The following FGF12 variants were observed in gnomAD, a reference collection of about 807,000 sequenced individuals.
FGF12 encodes fibroblast growth factor 12, also known as fibroblast growth factor 12B.
FGF12 carries 14 observed loss-of-function variants against 23.6 expected under a neutral mutation model. The ratio of observed to expected loss-of-function variants is 0.59; its 90% confidence interval spans 0.39 to 0.93. The LOEUF is 0.93. FGF12 is among the 40% of genes least tolerant of loss of function. The pLI is 0.00. For missense variants in FGF12, 175 were observed against 217.8 expected (o/e 0.80, Z 1.24); for synonymous variants, 62 against 77.3 (o/e 0.80, Z 1.04).
chr3:192,458,469 A>C (rs1722751667), intron 2 of FGF12, among the ~76,000 whole-genome samples: 1 of 152,206 alleles, frequency 6.6e-6, no homozygotes, highest in Non-Finnish European at 1.5e-5. Context: ...TGAGACCTGG[A>C]GTCAAAGGAA....
At chr3:192,645,772 A>T (rs1715983659) in intron 2 of FGF12, among the ~76,000 whole-genome samples, 2 of 26,378 alleles carry the variant, frequency 7.6e-5, no homozygotes, top group African/African-American at 3.5e-4. Flanking sequence ...ACAGGTAAAA[A>T]AAAAAAAAAA....
At chr3:192,332,651 A>G (rs545879914) in intron 4 of FGF12, among the ~76,000 whole-genome samples, 1 of 152,232 alleles carries the variant, frequency 6.6e-6, no homozygotes, top group East Asian at 1.9e-4. Context: ...ACTTCCTATT[A>G]ATTCCTAGCT....
At chr3:192,161,834 G>C (rs1319675676) in intron 5 of FGF12, among the ~76,000 whole-genome samples, 1 of 152,100 alleles carries the variant, frequency 6.6e-6, no homozygotes, top group Non-Finnish European at 1.5e-5. Context: ...ATTCTTGACA[G>C]ATCCTTTGAA....
Position 192,727,310 on chromosome 3 carries a change from T to C in FGF12, c.-117A>G. ...ATGATTTCGCCCGTACTTCCTTCCT[T>C]CCCCTCAGGCTTCCTGAAAGATGGG... On this transcript the variant is annotated 5_prime_UTR_variant, in exon 2 of 6. Coordinates refer to ENST00000445105, the MANE Select transcript of FGF12 (RefSeq NM_004113.6). 1 of 1,551,038 alleles carries C rather than the reference T, an allele frequency of 6.4e-7. No homozygotes were observed. The highest frequency in any genetic ancestry group is 8.7e-7 in the Non-Finnish European group (1 of 1,146,722).
Position 192,578,260 on chromosome 3 carries a change from T to C in FGF12, c.13+148921A>G, listed in dbSNP as rs377347990. Among the ~76,000 whole-genome samples the C allele has an allele frequency of 1.8e-4, 27 of 152,334 alleles. No individual in the cohort carries two copies. The East Asian group carries it at 4.6e-3, about 26-fold the overall frequency. On this transcript the variant is annotated intron_variant, in intron 2 of 5. Transcript: ENST00000445105. ...CTCTAAGCACTTTACATATATTAAC[T>C]AATTTAGTCTTCCTAAACTTCCCTG...
intron 2 of FGF12, among the ~76,000 whole-genome samples, chr3:192,492,336 T>C (rs1001965853): frequency 1.3e-5 from 2 of 152,066 alleles, no homozygotes; most frequent in African/African-American, 4.8e-5. Context: ...TCCTATTTCC[T>C]CCACCCTTAT....
At chr3:192,704,380 T>A (rs34662184) in intron 2 of FGF12, among the ~76,000 whole-genome samples, 4,016 of 152,284 alleles carry the variant, frequency 0.026, 74 homozygotes, top group Middle Eastern at 0.082. Flanking sequence ...TATTTCTCCA[T>A]GAGAAGTCTT....
At chr3:192,404,864 T>C (rs1051015282) in intron 2 of FGF12, among the ~76,000 whole-genome samples, 77 of 152,318 alleles carry the variant, frequency 5.1e-4, no homozygotes, top group African/African-American at 1.9e-3. Flanking sequence ...GCCTATGCCT[T>C]CTTCTACAAG....
At chr3:192,192,870 G>A (rs1427746032) in intron 4 of FGF12, among the ~76,000 whole-genome samples, 1 of 152,144 alleles carries the variant, frequency 6.6e-6, no homozygotes, top group Non-Finnish European at 1.5e-5. Flanking sequence ...TGAGATGTTT[G>A]TTATTTTAAG....
intron 4 of FGF12, among the ~76,000 whole-genome samples, chr3:192,288,061 T>C (rs1055893943): frequency 3.3e-5 from 4 of 119,606 alleles, no homozygotes; most frequent in African/African-American, 1.3e-4. Context: ...GGAAAGGCTT[T>C]AGAATAAAAA....
At chr3:192,368,203 T>C (rs1719071968) in intron 2 of FGF12, among the ~76,000 whole-genome samples, 3 of 152,130 alleles carry the variant, frequency 2.0e-5, no homozygotes, top group Admixed American at 1.3e-4. Flanking sequence ...GCTTTAAAAC[T>C]ACTACTTGAC....
chr3:192,361,084 C>A (rs546656183), intron 2 of FGF12, among the ~76,000 whole-genome samples: 83 of 125,924 alleles, frequency 6.6e-4, no homozygotes, highest in African/African-American at 2.4e-3. Flanking sequence ...ATGTCACTGG[C>A]AAATATGTGG....
chr3:192,459,418 A>T (rs1722784779), intron 2 of FGF12, among the ~76,000 whole-genome samples: 1 of 152,240 alleles, frequency 6.6e-6, no homozygotes, highest in Admixed American at 6.5e-5. Context: ...TAAGTTGGTC[A>T]ACTTAAATTG....
chr3:192,166,057 G>A (rs1211008860), intron 5 of FGF12, among the ~76,000 whole-genome samples: 1 of 152,152 alleles, frequency 6.6e-6, no homozygotes, highest in African/African-American at 2.4e-5. Flanking sequence ...CAGTAATGGT[G>A]GCAGCAAAAA....
intron 4 of FGF12, among the ~76,000 whole-genome samples, chr3:192,181,346 C>T (rs1716159015): frequency 6.7e-6 from 1 of 149,028 alleles, no homozygotes; most frequent in Non-Finnish European, 1.5e-5. Context: ...CAAGACAAGA[C>T]CTACACGCAC....
Position 192,140,988 on chromosome 3 carries a change from T to C in FGF12, c.*3021A>G, listed in dbSNP as rs1713338310. On this transcript the variant is annotated 3_prime_UTR_variant, in exon 6 of 6. Transcript: ENST00000445105. The stretch of plus-strand genomic sequence containing the variant: ...TTGTGAGACTCTCAAAAGTTTTGTT[T>C]TCATTCTTAAGCTCGTTGATTTTGA... 1 of 151,776 alleles carries C rather than the reference T, an allele frequency of 6.6e-6. No individual in the cohort carries two copies. The highest frequency in any genetic ancestry group is 1.5e-5 in the Non-Finnish European group (1 of 67,820). The allele number at this position is 151,776 out of a possible 1,614,324, so 9.4% of individuals were successfully genotyped here. A position where few individuals can be genotyped will look rare whatever the true frequency, so the allele number is the denominator to read the frequency against.
chr3:192,382,563 A>T (rs1178912203), intron 2 of FGF12, among the ~76,000 whole-genome samples: 1 of 152,168 alleles, frequency 6.6e-6, no homozygotes, highest in African/African-American at 2.4e-5. Flanking sequence ...TATAAAAAAC[A>T]AAGTCAGTCA....
intron 2 of FGF12, among the ~76,000 whole-genome samples, chr3:192,558,637 A>C (rs1179412188): frequency 2.0e-5 from 3 of 151,916 alleles, no homozygotes. Context: ...AAAACACTGT[A>C]TAGCCAAAAT....
Position 192,162,953 on chromosome 3 carries a change from A to G in FGF12, c.427+7505T>C, listed in dbSNP as rs181675932. ...GACAATGTCCATTTTCTAAGACAAA[A>G]TGAAAAAGGCATTTCATGTTTGATC... On this transcript the variant is annotated intron_variant, in intron 5 of 5. Coordinates refer to ENST00000445105, the MANE Select transcript of FGF12 (RefSeq NM_004113.6). Among the ~76,000 whole-genome samples the G allele has an allele frequency of 1.1e-4, 16 of 152,282 alleles. No homozygotes were observed. The East Asian group carries it at 2.9e-3, about 27-fold the overall frequency.
Sources: gnomAD v4.1 joint callset for allele counts (sites outside exome capture counted in the v4.1 genomes callset) on GRCh38, gnomAD v4.1.1 for gene constraint, MANE v1.5 for transcripts, NCBI Gene and HGNC (gene_info 2026-07-23, HGNC 2026-07-21) for gene names.